TCTN1: variants seen among roughly 807,000 people sequenced by gnomAD.
TCTN1 encodes tectonic-1.
In TCTN1, 58 loss-of-function variants were observed where a neutral mutation model predicts 65.8. The ratio of observed to expected loss-of-function variants is 0.88; its 90% confidence interval spans 0.71 to 1.10. The LOEUF (loss-of-function observed/expected upper bound fraction) is 1.10. Ranked by LOEUF, TCTN1 falls within the 50% of genes least tolerant of loss-of-function variation. The pLI is 0.00. For synonymous variants in TCTN1, 273 were observed against 289.1 expected, an observed-to-expected ratio of 0.94 and a Z score of 0.57; for missense variants, 645 against 719.4, an observed-to-expected ratio of 0.90 and a Z score of 1.18.
Position 110,642,743 on chromosome 12 carries a change from A to G in TCTN1, c.1331+354A>G, listed in dbSNP as rs549152206. Among the ~76,000 whole-genome samples the G allele has an allele frequency of 5.4e-5, 8 of 149,396 alleles. 1 individual carries two copies. The South Asian group carries it at 1.7e-3, about 31-fold the overall frequency. ...CTCCCAAGTAGTTGGGACTACAGGC[A>G]TGCACCACCACATCCGGCTTTTTTT... On this transcript the variant is annotated intron_variant, in intron 11 of 14. Transcript: ENST00000397659.
intron 5 of TCTN1, chr12:110,634,436 G>T (rs577742520): frequency 1.8e-6 from 1 of 564,194 alleles, no homozygotes; most frequent in Non-Finnish European, 3.3e-6. Context: ...CAGCACTCTG[G>T]GAGGCCGAGG....
chr12:110,615,868 T>G (rs558800263), intron 1 of TCTN1, among the ~76,000 whole-genome samples: 25 of 152,230 alleles, frequency 1.6e-4, no homozygotes, highest in Non-Finnish European at 3.5e-4. Context: ...GATCTTGAAC[T>G]CTAGGACTTA....
chr12:110,632,030 G>C (rs1281602381), intron 4 of TCTN1, among the ~76,000 whole-genome samples: 1 of 152,154 alleles, frequency 6.6e-6, no homozygotes, highest in Non-Finnish European at 1.5e-5. Context: ...AAATAATTTT[G>C]TGGGGTTTGG....
At chr12:110,637,361 G>T (rs1034016819) in intron 7 of TCTN1, among the ~76,000 whole-genome samples, 1 of 152,198 alleles carries the variant, frequency 6.6e-6, no homozygotes. Flanking sequence ...CTTCACTGAT[G>T]CTCTGCACAC....
chr12:110,617,353 T>G (rs1198301465), intron 1 of TCTN1, among the ~76,000 whole-genome samples: 3 of 152,038 alleles, frequency 2.0e-5, no homozygotes, highest in Non-Finnish European at 4.4e-5. Context: ...CTATTTTTTT[T>G]TTTTTAATTG....
In TCTN1 at chr12:110,640,279, T is replaced by C; in HGVS notation, c.844-104T>C. The C allele has an allele frequency of 7.2e-7, 1 of 1,380,318 alleles. No homozygotes were observed. Among genetic ancestry groups the C allele is most frequent in the Non-Finnish European group, 1.0e-6 (1 of 975,182 alleles). The allele number at this position is 1,380,318 out of a possible 1,614,324, so 85.5% of individuals were successfully genotyped here. On this transcript the variant is annotated intron_variant, in intron 7 of 14. Coordinates refer to ENST00000397659, the MANE Select transcript of TCTN1 (RefSeq NM_001082538.3). The surrounding 1 kb of genome is among the most constrained non-coding windows in gnomAD (Gnocchi z 4.9). ...CACTGTTGTGTAGCATGCTTCCCCC[T>C]ACTTGGCCATATATCAGGGGAGGTT...
At chr12:110,645,497 G>T (rs570984461) in intron 12 of TCTN1, 19 of 333,216 alleles carry the variant, frequency 5.7e-5, no homozygotes, top group African/African-American at 4.1e-4. Context: ...GTGATTGCTG[G>T]TGTCCCCCGA....
intron 4 of TCTN1, among the ~76,000 whole-genome samples, chr12:110,631,100 G>T (rs530532364): frequency 4.6e-5 from 7 of 152,190 alleles, no homozygotes; most frequent in Non-Finnish European, 1.0e-4. Context: ...CCAAGTAGCT[G>T]GGATTGCAGG....
At chr12:110,625,177 T>C (rs2065746799) in intron 2 of TCTN1, among the ~76,000 whole-genome samples, 9 of 152,252 alleles carry the variant, frequency 5.9e-5, no homozygotes, top group Admixed American at 5.9e-4. Flanking sequence ...TAAAGTTCAC[T>C]GACATAAAAA....
rs1258463504 is a variant in TCTN1 at position 110,644,897 on chromosome 12, G to A, written c.1332-70G>A. ...AAATAAACAAAGGGAAGGAAAGGAAGAAGAAAATGAAAAACTGCTGGTGGA... is the reference window on the plus strand; with the variant it reads ...AAATAAACAAAGGGAAGGAAAGGAAAAAGAAAATGAAAAACTGCTGGTGGA... On this transcript the variant is annotated intron_variant, in intron 11 of 14. Transcript: ENST00000397659. The surrounding 1 kb of genome is among the most constrained non-coding windows in gnomAD (Gnocchi z 4.6). 1 of 1,593,002 alleles carries A rather than the reference G, an allele frequency of 6.3e-7. No homozygotes were observed. The highest frequency in any genetic ancestry group is 2.2e-5 in the East Asian group (1 of 44,706).
intron 1 of TCTN1, among the ~76,000 whole-genome samples, chr12:110,615,831 T>C (rs1354586830): frequency 6.6e-6 from 1 of 152,180 alleles, no homozygotes; most frequent in Non-Finnish European, 1.5e-5. Flanking sequence ...AGGCTCAGTA[T>C]TAGTAAGTAA....
At chr12:110,625,764 T>C (rs2065790701) in intron 2 of TCTN1, 2 of 149,436 alleles carry the variant, frequency 1.3e-5, no homozygotes. Context: ...CAATTTTTTT[T>C]TTTTTTTTGA....
At chr12:110,647,115 T>C (rs756679929) in intron 12 of TCTN1, 81 bp from the exon 13 acceptor site, 5 of 1,534,512 alleles carry the variant, frequency 3.3e-6, no homozygotes, top group Admixed American at 1.7e-5. Context: ...TTTTGTAATA[T>C]GTGAAACCTT....
chr12:110,630,140 G>A (rs972726427), intron 4 of TCTN1: 19 of 152,164 alleles, frequency 1.2e-4, no homozygotes, highest in Admixed American at 9.2e-4. Flanking sequence ...GGGTTGATGA[G>A]TGCAGTAAAC....
intron 2 of TCTN1, among the ~76,000 whole-genome samples, chr12:110,621,455 T>G (rs950825168): frequency 2.0e-5 from 3 of 151,888 alleles, no homozygotes; most frequent in African/African-American, 7.3e-5. Flanking sequence ...GAAAGTGACA[T>G]TTTTGCTCCA....
chr12:110,648,613 G>A (rs1376774784), intron 14 of TCTN1: 1 of 161,634 alleles, frequency 6.2e-6, no homozygotes, highest in South Asian at 1.8e-4. Context: ...AAAATCATGC[G>A]AGAAGAGCAC....
At chr12:110,636,419 G>T in intron 6 of TCTN1, 62 bp from the exon 7 acceptor site, 1 of 1,125,596 alleles carries the variant, frequency 8.9e-7, no homozygotes. Flanking sequence ...ATCTGAAAAA[G>T]CAATGAAAAT....
Position 110,619,874 on chromosome 12 carries a change from T to C in TCTN1, c.259T>C (p.Cys87Arg), listed in dbSNP as rs1375303980. 1.2e-6 allele frequency: 2 copies of C among 1,614,128 alleles called. No homozygotes were observed. Among genetic ancestry groups the C allele is most frequent in the Admixed American group, 3.3e-5 (2 of 59,986 alleles). ...LCVCDLSPAQ[C>R]DINCCCDPDC... ...TGTCTGTGACTTATCCCCAGCACAG[T>C]GTGACATCAACTGCTGCTGTGATCC... The change falls in exon 2 of 15, where the codon TGT becomes CGT. Residue 87 changes from cysteine (C) to arginine (R), a missense_variant. By Grantham distance (180) the Cys-to-Arg change is radical (BLOSUM62 -3). Transcript: ENST00000397659.
chr12:110,634,536 A>G (rs1449428401), intron 5 of TCTN1, 134 bp from the exon 6 acceptor site: 3 of 751,814 alleles, frequency 4.0e-6, no homozygotes, highest in Non-Finnish European at 6.6e-6. Flanking sequence ...ACAAACAACA[A>G]CAAAATTGTA....
Sources: allele counts gnomAD v4.1 joint callset (sites outside exome capture counted in the v4.1 genomes callset), GRCh38; gene constraint gnomAD v4.1.1; non-coding constraint Gnocchi (gnomAD v3.1); transcripts MANE v1.5; gene names NCBI Gene and HGNC (gene_info 2026-07-23, HGNC 2026-07-21).